GASK1B: variants seen among roughly 807,000 people sequenced by gnomAD.
GASK1B encodes Golgi-associated kinase 1B.
GASK1B carries 34 observed loss-of-function variants against 42.8 expected under a neutral mutation model. The ratio of observed to expected loss-of-function variants is 0.79; its 90% CI spans 0.60 to 1.06. The LOEUF is 1.06. Among genes scored for constraint, GASK1B ranks in the 50% least tolerant of loss-of-function variants. The probability of loss-of-function intolerance (pLI) is 0.00; values close to 1 mark genes in which losing one functional copy is unlikely to be tolerated. For missense variants in GASK1B, 686 were observed against 661.0 expected (o/e 1.04, Z -0.42); for synonymous variants, 262 against 259.1 (o/e 1.01, Z -0.11).
intron 3 of GASK1B, among the ~76,000 whole-genome samples, chr4:158,131,534 A>T (rs1730682018): frequency 6.6e-6 from 1 of 152,216 alleles, no homozygotes; most frequent in South Asian, 2.1e-4. Flanking sequence ...GTGAGACCAA[A>T]TCATAAAACC....
intron 3 of GASK1B, among the ~76,000 whole-genome samples, chr4:158,137,023 G>T (rs1356914581): frequency 2.0e-5 from 3 of 152,140 alleles, no homozygotes; most frequent in African/African-American, 7.2e-5. Flanking sequence ...ACCAAATGAT[G>T]GTGGCTTATC....
intron 3 of GASK1B, among the ~76,000 whole-genome samples, chr4:158,131,983 T>C (rs1444260863): frequency 6.6e-6 from 1 of 152,188 alleles, no homozygotes; most frequent in Non-Finnish European, 1.5e-5. Context: ...GTTACTCTTG[T>C]TGAAACACAC....
intron 2 of GASK1B, chr4:158,169,583 G>T (rs1177145850): frequency 6.6e-6 from 1 of 152,164 alleles, no homozygotes; most frequent in African/African-American, 2.4e-5. Flanking sequence ...TCTCTTTGGG[G>T]TACATTTTAG....
chr4:158,145,365 G>A (rs1015793093), intron 3 of GASK1B, among the ~76,000 whole-genome samples: 1 of 152,060 alleles, frequency 6.6e-6, no homozygotes, highest in African/African-American at 2.4e-5. Flanking sequence ...AAATCTAGGA[G>A]GCAAGGCATA....
At chr4:158,157,559 C>T (rs1371772177) in intron 2 of GASK1B, among the ~76,000 whole-genome samples, 1 of 152,092 alleles carries the variant, frequency 6.6e-6, no homozygotes. Context: ...AACGTGTGTA[C>T]TTCAGGCGTC....
intron 2 of GASK1B, among the ~76,000 whole-genome samples, chr4:158,162,859 A>T (rs1732078130): frequency 1.3e-5 from 2 of 152,216 alleles, no homozygotes; most frequent in African/African-American, 4.8e-5. Flanking sequence ...TTGGACGCTC[A>T]CACATGATGT....
rs895644758 is a variant in GASK1B, at chr4:158,133,218, A to T, written c.1126-2206T>A. On this transcript the variant is annotated intron_variant, in intron 3 of 4. Transcript: ENST00000585682. Reference sequence around the variant, plus strand: ...CTCAATCACCCCTTTTTTTAAATACACATTAACTAATGATTCTCAGAGAAT... The same window carrying T: ...CTCAATCACCCCTTTTTTTAAATACTCATTAACTAATGATTCTCAGAGAAT... Among the ~76,000 whole-genome samples the T allele has an allele frequency of 1.1e-3, 165 of 152,288 alleles. 1 individual carries two copies. Among genetic ancestry groups the T allele is most frequent in the African/African-American group, 3.7e-3 (153 of 41,564 alleles).
chr4:158,142,908 G>C (rs1392133527), intron 3 of GASK1B, among the ~76,000 whole-genome samples: 5 of 152,208 alleles, frequency 3.3e-5, no homozygotes, highest in Non-Finnish European at 5.9e-5. Context: ...AAAGGGAAGA[G>C]AGAAGATATA....
At chr4:158,163,605 G>C (rs1342803568) in intron 2 of GASK1B, among the ~76,000 whole-genome samples, 2 of 151,500 alleles carry the variant, frequency 1.3e-5, no homozygotes, top group African/African-American at 4.9e-5. Context: ...TATGCGTTAA[G>C]CAATGTTATA....
intron 3 of GASK1B, among the ~76,000 whole-genome samples, chr4:158,140,969 T>G (rs886743253): frequency 1.3e-5 from 2 of 152,244 alleles, no homozygotes; most frequent in Non-Finnish European, 2.9e-5. Context: ...AATCCAGTAA[T>G]GCTCAACTGG....
chr4:158,161,605 T>C (rs1165440941), intron 2 of GASK1B, among the ~76,000 whole-genome samples: 1 of 152,210 alleles, frequency 6.6e-6, no homozygotes, highest in Non-Finnish European at 1.5e-5. Context: ...AGGTCTGCCC[T>C]GAACTTCTGC....
intron 1 of GASK1B, chr4:158,172,532 T>C (rs1420766304): frequency 6.6e-6 from 1 of 152,238 alleles, no homozygotes; most frequent in Non-Finnish European, 1.5e-5. Context: ...AACTGACTGC[T>C]GCATGGTTTT....
intron 3 of GASK1B, among the ~76,000 whole-genome samples, chr4:158,155,364 T>A (rs1731716471): frequency 1.3e-5 from 2 of 152,178 alleles, no homozygotes. Flanking sequence ...CCAGGAGAGG[T>A]TAAGAGTCTG....
chr4:158,130,753 G>T, intron 4 of GASK1B, 33 bp downstream of exon 4: 1 of 1,484,050 alleles, frequency 6.7e-7, no homozygotes, highest in Non-Finnish European at 9.4e-7. Flanking sequence ...TAACATAAAT[G>T]TGATGTCCTG....
intron 2 of GASK1B, among the ~76,000 whole-genome samples, chr4:158,167,995 G>A (rs770865217): frequency 6.6e-6 from 1 of 152,148 alleles, no homozygotes; most frequent in Non-Finnish European, 1.5e-5. Context: ...GTCTATTTAT[G>A]TACTTTGCAA....
chr4:158,160,834 A>G lies in GASK1B; in HGVS notation c.911-5009T>C, dbSNP rs886863605. On this transcript the variant is annotated intron_variant, in intron 2 of 4. Transcript: ENST00000585682. ...AACATGGATGAAACTGGATGACACTATTTTAAGCAAAATAATACAGGCACA... is the reference window on the plus strand; with the variant it reads ...AACATGGATGAAACTGGATGACACTGTTTTAAGCAAAATAATACAGGCACA... 3.9e-5 allele frequency among the ~76,000 whole-genome samples: 6 copies of G among 152,288 alleles called. No homozygotes were observed. The East Asian group carries it at 7.7e-4, about 20-fold the overall frequency.
intron 2 of GASK1B, 97 bp downstream of exon 2, chr4:158,170,369 G>A (rs1342616898): frequency 6.2e-7 from 1 of 1,614,156 alleles, no homozygotes; most frequent in South Asian, 1.1e-5. Flanking sequence ...TGAACCGTGG[G>A]TGGAGAAAAA....
chr4:158,140,865 T>C (rs1731088180), intron 3 of GASK1B, among the ~76,000 whole-genome samples: 1 of 152,126 alleles, frequency 6.6e-6, no homozygotes, highest in Non-Finnish European at 1.5e-5. Flanking sequence ...TTCAACATAG[T>C]CTAAAAAATT....
intron 3 of GASK1B, among the ~76,000 whole-genome samples, chr4:158,146,572 A>G (rs1000458186): frequency 6.6e-6 from 1 of 152,132 alleles, no homozygotes; most frequent in Non-Finnish European, 1.5e-5. Flanking sequence ...TATTATTCCT[A>G]TTTTACAGAT....
Sources: allele counts gnomAD v4.1 joint callset (sites outside exome capture counted in the v4.1 genomes callset), GRCh38; gene constraint gnomAD v4.1.1; transcripts MANE v1.5; gene names NCBI Gene and HGNC (gene_info 2026-07-23, HGNC 2026-07-21).